The following CTNND2 variants were observed in gnomAD, a reference collection of about 807,000 sequenced individuals.
CTNND2 encodes catenin delta-2.
A neutral mutation model predicts 144.4 loss-of-function variants in CTNND2; 22 were observed. That is an observed-to-expected ratio of 0.15 (90% confidence interval 0.11 to 0.22). CTNND2 has a LOEUF of 0.22. Ranked by LOEUF, CTNND2 falls within the 10% of genes least tolerant of loss-of-function variation. The pLI, the probability that CTNND2 is intolerant of heterozygous loss-of-function variation, is 1.00. For synonymous variants in CTNND2, 751 were observed against 695.6 expected (o/e 1.08, Z -1.25); for missense variants, 1,353 against 1,618.8 (o/e 0.84, Z 2.82).
chr5:11,256,710 G>A (rs908593223), intron 9 of CTNND2, among the ~76,000 whole-genome samples: 3 of 152,046 alleles, frequency 2.0e-5, no homozygotes, highest in Non-Finnish European at 4.4e-5. Context: ...AAACATTTAC[G>A]GGATACCAAT....
chr5:10,998,299 A>C (rs1194141620), intron 18 of CTNND2, among the ~76,000 whole-genome samples: 1 of 152,172 alleles, frequency 6.6e-6, no homozygotes, highest in Non-Finnish European at 1.5e-5. Context: ...GAGGATGGCC[A>C]GGGACTGCAT....
At position 11,034,403 on chromosome 5, in the gene CTNND2, G is replaced by T. The variant is rs141787674; in HGVS notation, c.2789-11424C>A. The stretch of plus-strand genomic sequence containing the variant: ...ACCTTAGGGAATTCCACAACAATCT[G>T]TTACTGAGTTACTCCACCAAATTCC... On this transcript the variant is annotated intron_variant, in intron 16 of 21. Transcript: ENST00000304623. Among the ~76,000 whole-genome samples, 184 of 152,274 alleles carry T rather than the reference G, an allele frequency of 1.2e-3. 1 individual carries two copies. Among genetic ancestry groups the T allele is most frequent in the Middle Eastern group, 6.8e-3 (2 of 292 alleles).
chr5:11,683,659 A>C (rs192286081), intron 2 of CTNND2, among the ~76,000 whole-genome samples: 32 of 152,346 alleles, frequency 2.1e-4, no homozygotes, highest in Admixed American at 3.3e-4. Flanking sequence ...AAACTAATGC[A>C]TATCTTCTTG....
chr5:11,182,249 G>A (rs561201003), intron 11 of CTNND2, among the ~76,000 whole-genome samples: 6 of 151,572 alleles, frequency 4.0e-5, no homozygotes, highest in Non-Finnish European at 7.4e-5. Context: ...TGGTGTGTAC[G>A]TGTGTAGTGT....
intron 3 of CTNND2, among the ~76,000 whole-genome samples, chr5:11,413,583 A>G (rs1349114322): frequency 6.6e-6 from 1 of 152,190 alleles, no homozygotes; most frequent in Non-Finnish European, 1.5e-5. Flanking sequence ...TACTTGTGTC[A>G]GAATCACCTG....
At chr5:11,524,165 C>T (rs1020173611) in intron 3 of CTNND2, among the ~76,000 whole-genome samples, 1 of 152,062 alleles carries the variant, frequency 6.6e-6, no homozygotes, top group African/African-American at 2.4e-5. Flanking sequence ...CTCACTGCAC[C>T]CCACACTTGC....
intron 2 of CTNND2, among the ~76,000 whole-genome samples, chr5:11,646,002 C>T (rs1212494849): frequency 1.3e-5 from 2 of 152,044 alleles, no homozygotes; most frequent in Admixed American, 1.3e-4. Flanking sequence ...ATGCATAAAA[C>T]ATATGATTCC....
chr5:11,320,452 C>T (rs1751920682), intron 9 of CTNND2, among the ~76,000 whole-genome samples: 1 of 152,080 alleles, frequency 6.6e-6, no homozygotes. Context: ...ACCCAATCAG[C>T]TGAAGAACTG....
At chr5:11,111,659 A>G (rs6884431) in intron 13 of CTNND2, among the ~76,000 whole-genome samples, 59,401 of 151,954 alleles carry the variant, frequency 0.39, 11,947 homozygotes, top group East Asian at 0.61. Flanking sequence ...TTGTGGAGCC[A>G]GACACCTGTA....
chr5:11,569,478 C>T (rs114577137), intron 2 of CTNND2, among the ~76,000 whole-genome samples: 2,114 of 151,908 alleles, frequency 0.014, 16 homozygotes, highest in African/African-American at 0.017. Context: ...TCCTAAACAG[C>T]CTAAATTAAT....
intron 1 of CTNND2, among the ~76,000 whole-genome samples, chr5:11,751,075 G>A (rs1483631245): frequency 6.6e-6 from 1 of 151,800 alleles, no homozygotes; most frequent in East Asian, 1.9e-4. Context: ...CCACTAAAGT[G>A]TAAACCTGAA....
intron 16 of CTNND2, among the ~76,000 whole-genome samples, chr5:11,053,702 G>C (rs896928245): frequency 2.0e-5 from 3 of 151,912 alleles, no homozygotes; most frequent in African/African-American, 7.3e-5. Context: ...AAGCTTAGGA[G>C]TTCTTGGCAG....
chr5:11,492,604 C>A, intron 3 of CTNND2, among the ~76,000 whole-genome samples: 1 of 150,436 alleles, frequency 6.6e-6, no homozygotes, highest in Non-Finnish European at 1.5e-5. Flanking sequence ...TAAACTAATA[C>A]AAAGTAGTAA....
chr5:11,441,237 C>A (rs73742842), intron 3 of CTNND2, among the ~76,000 whole-genome samples: 43 of 152,144 alleles, frequency 2.8e-4, no homozygotes, highest in African/African-American at 9.9e-4. Context: ...CAACTCTCTA[C>A]AATTTTGCAA....
At chr5:11,512,016 A>T (rs1185052277) in intron 3 of CTNND2, among the ~76,000 whole-genome samples, 1 of 151,994 alleles carries the variant, frequency 6.6e-6, no homozygotes, top group Non-Finnish European at 1.5e-5. Flanking sequence ...TGGGACAAAG[A>T]CTCCTTTATT....
At chr5:11,294,735 A>T (rs559300307) in intron 9 of CTNND2, among the ~76,000 whole-genome samples, 38 of 152,328 alleles carry the variant, frequency 2.5e-4, no homozygotes, top group Middle Eastern at 6.8e-3. Flanking sequence ...CAAAAACCAC[A>T]TGATTATCTC....
chr5:11,885,874 C>A (rs920184328), intron 1 of CTNND2, among the ~76,000 whole-genome samples: 1 of 152,096 alleles, frequency 6.6e-6, no homozygotes, highest in African/African-American at 2.4e-5. Context: ...AAAAGAGGAA[C>A]TTTGAAAACT....
intron 1 of CTNND2, among the ~76,000 whole-genome samples, chr5:11,747,679 T>C (rs1788390278): frequency 6.6e-6 from 1 of 152,176 alleles, no homozygotes; most frequent in African/African-American, 2.4e-5. Context: ...AGATTCCCTA[T>C]TTAATCATAG....
At chr5:11,664,250 T>C (rs980728759) in intron 2 of CTNND2, among the ~76,000 whole-genome samples, 3 of 152,230 alleles carry the variant, frequency 2.0e-5, no homozygotes, top group African/African-American at 7.2e-5. Flanking sequence ...TGTCATACCT[T>C]GACAAACATT....
Sources: allele counts gnomAD v4.1 joint callset (sites outside exome capture counted in the v4.1 genomes callset), GRCh38; gene constraint gnomAD v4.1.1; transcripts MANE v1.5; gene names NCBI Gene and HGNC (gene_info 2026-07-23, HGNC 2026-07-21).